HSD17B3: variants seen among roughly 807,000 people sequenced by gnomAD.
HSD17B3 encodes the protein hydroxysteroid 17-beta dehydrogenase 3.
A neutral mutation model predicts 41.1 loss-of-function variants in HSD17B3; 29 were observed. The ratio of observed to expected loss-of-function variants is 0.71; its 90% CI spans 0.53 to 0.96. HSD17B3 has a LOEUF of 0.96. Ranked by LOEUF, HSD17B3 falls within the 40% of genes least tolerant of loss-of-function variation. The pLI is 0.00. For synonymous variants in HSD17B3, 126 were observed against 145.6 expected (o/e 0.87, Z 0.97); for missense variants, 323 against 374.6 (o/e 0.86, Z 1.14).
chr9:96,241,693 G>T (rs1182851911), intron 9 of HSD17B3, among the ~76,000 whole-genome samples: 1 of 152,090 alleles, frequency 6.6e-6, no homozygotes, highest in Non-Finnish European at 1.5e-5. Context: ...CCAGCATGTT[G>T]GGAGGCCAAG....
At chr9:96,301,924 A>AC (rs1372399818) in intron 1 of HSD17B3, 27 bp downstream of exon 1, 17 of 1,612,626 alleles carry the variant, frequency 1.1e-5, no homozygotes, top group Non-Finnish European at 1.4e-5. Flanking sequence ...CAGCAGCAAA[A>AC]AAACATGAGA....
At chr9:96,248,516 C>G (rs1420165270) in intron 6 of HSD17B3, among the ~76,000 whole-genome samples, 1 of 152,202 alleles carries the variant, frequency 6.6e-6, no homozygotes, top group Non-Finnish European at 1.5e-5. Context: ...TCCTTGAAAT[C>G]AGGAATCAGA....
chr9:96,242,567 C>G (rs1836498102), intron 9 of HSD17B3, among the ~76,000 whole-genome samples: 5 of 152,194 alleles, frequency 3.3e-5, no homozygotes. Context: ...AGTATTTATT[C>G]ATTCAGCGAG....
intron 5 of HSD17B3, chr9:96,251,204 A>C (rs1389476204): frequency 3.4e-6 from 2 of 594,974 alleles, no homozygotes; most frequent in Non-Finnish European, 6.0e-6. Flanking sequence ...AGAAGGAGGA[A>C]GATGTCCATA....
chr9:96,235,979 CTT>C (rs113139648), intron 10 of HSD17B3, among the ~76,000 whole-genome samples: 1 of 144,068 alleles, frequency 6.9e-6, no homozygotes, highest in Admixed American at 6.9e-5. Context: ...CTAATTTTTT[CTT>C]TTTTTTTTTT....
At chr9:96,257,403 C>T (rs955422386) in intron 2 of HSD17B3, among the ~76,000 whole-genome samples, 2 of 152,106 alleles carry the variant, frequency 1.3e-5, no homozygotes, top group Admixed American at 1.3e-4. Context: ...CCGCCCACCC[C>T]TAGGCTCCCA....
chr9:96,300,250 A>ACG, intron 1 of HSD17B3, among the ~76,000 whole-genome samples: 1 of 151,234 alleles, frequency 6.6e-6, no homozygotes, highest in African/African-American at 2.4e-5. Context: ...ACACACACAC[A>ACG]CACGCACACA....
At chr9:96,259,757 C>T (rs573675921) in intron 2 of HSD17B3, among the ~76,000 whole-genome samples, 28 of 151,938 alleles carry the variant, frequency 1.8e-4, no homozygotes, top group Middle Eastern at 3.4e-3. Flanking sequence ...GAGAATCTGT[C>T]ACATAAGAAG....
At chr9:96,254,799 C>T (rs1825560329) in intron 3 of HSD17B3, 69 bp downstream of exon 3, 1 of 1,327,430 alleles carries the variant, frequency 7.5e-7, no homozygotes, top group East Asian at 2.3e-5. Context: ...AGTACATCAA[C>T]TGGCATGGTG....
chr9:96,272,405 C>CTCTCTCTCTCTCTCTCTCTATATA (rs1239816824), intron 2 of HSD17B3, among the ~76,000 whole-genome samples: 3 of 21,524 alleles, frequency 1.4e-4, no homozygotes, highest in Non-Finnish European at 1.8e-4. Context: ...CTCTCTCTCT[C>CTCTCTCTCTCTCTCTCTCTATATA]TATATATATA....
At position 96,250,894 on chromosome 9, in the gene HSD17B3, A is replaced by G. The variant is rs563903685; in HGVS notation, c.453+524T>C. Among the ~76,000 whole-genome samples the G allele has an allele frequency of 2.3e-3, 343 of 151,976 alleles. 6 individuals are homozygous for G. Among genetic ancestry groups the G allele is most frequent in the African/African-American group, 7.7e-3 (319 of 41,452 alleles). On this transcript the variant is annotated intron_variant, in intron 5 of 10. Coordinates refer to ENST00000375263, the MANE Select transcript of HSD17B3 (RefSeq NM_000197.2). ...CAGAGGGAGACTCCATCTCAAAAAA[A>G]AAAAAAAAGAACTGTTAAATCCATT...
At chr9:96,240,644 A>G (rs1564022275) in intron 10 of HSD17B3, 114 bp downstream of exon 10, 2 of 1,056,286 alleles carry the variant, frequency 1.9e-6, no homozygotes, top group South Asian at 2.5e-5. Flanking sequence ...GTACCTGGCT[A>G]TATTAACGCA....
chr9:96,239,903 C>T (rs8190560), intron 10 of HSD17B3: 5,207 of 152,304 alleles, frequency 0.034, 225 homozygotes, highest in Admixed American at 0.12. Flanking sequence ...GGATCTGTGG[C>T]ATGCTGGAGC....
intron 9 of HSD17B3, among the ~76,000 whole-genome samples, chr9:96,241,997 GAAAGAA>G (rs1487204735): frequency 7.8e-6 from 1 of 128,686 alleles, no homozygotes; most frequent in Admixed American, 7.7e-5. Context: ...AAGAAAGAAA[GAAAGAA>G]AGAGAAAGAA....
At chr9:96,257,481 T>C (rs1290594647) in intron 2 of HSD17B3, among the ~76,000 whole-genome samples, 7 of 151,846 alleles carry the variant, frequency 4.6e-5, no homozygotes, top group East Asian at 1.9e-4. Context: ...TAGGCACATA[T>C]AGAAATAAAG....
At chr9:96,295,399 A>G (rs561606599) in intron 2 of HSD17B3, among the ~76,000 whole-genome samples, 2 of 150,902 alleles carry the variant, frequency 1.3e-5, no homozygotes, top group East Asian at 3.9e-4. Flanking sequence ...CAATGGCACA[A>G]TTTCAGCTCA....
intron 5 of HSD17B3, chr9:96,251,078 G>A: frequency 3.5e-6 from 1 of 288,814 alleles, no homozygotes. Flanking sequence ...CAAAGAGCTG[G>A]TCTTCTCCCA....
At chr9:96,286,339 GT>G (rs1447433827) in intron 2 of HSD17B3, among the ~76,000 whole-genome samples, 1 of 151,426 alleles carries the variant, frequency 6.6e-6, no homozygotes, top group Non-Finnish European at 1.5e-5. Context: ...GTGAGACTCT[GT>G]CTCAAAGGAA....
At chr9:96,249,392 C>G (rs770578918) in intron 6 of HSD17B3, among the ~76,000 whole-genome samples, 13 of 152,162 alleles carry the variant, frequency 8.5e-5, no homozygotes, top group Non-Finnish European at 1.8e-4. Context: ...CGTCAGTTTT[C>G]CAGAGTGAGC....
Sources: gnomAD v4.1 joint callset for allele counts (sites outside exome capture counted in the v4.1 genomes callset) on GRCh38, gnomAD v4.1.1 for gene constraint, MANE v1.5 for transcripts, NCBI Gene and HGNC (gene_info 2026-07-23, HGNC 2026-07-21) for gene names.